The following KCTD1 variants were observed in gnomAD, a reference collection of about 807,000 sequenced individuals.
KCTD1 encodes potassium channel tetramerization domain containing 1.
A neutral mutation model predicts 66.0 loss-of-function variants in KCTD1; 24 were observed. The observed-to-expected ratio is 0.36, with a 90% CI of 0.26 to 0.51. The LOEUF (loss-of-function observed/expected upper bound fraction) is 0.51. Among genes scored for constraint, KCTD1 ranks in the 20% least tolerant of loss-of-function variants. The pLI is 0.95. For missense variants in KCTD1, 943 were observed against 1,205.2 expected (o/e 0.78, Z 3.22); for synonymous variants, 511 against 517.2 (o/e 0.99, Z 0.16).
chr18:26,486,575 C>T (rs994966884), intron 2 of KCTD1, among the ~76,000 whole-genome samples: 1 of 152,214 alleles, frequency 6.6e-6, no homozygotes, highest in African/African-American at 2.4e-5. Context: ...CTGGGGCCTT[C>T]CTGTGTGAAG....
At chr18:26,503,929 C>G (rs1381166501) in intron 1 of KCTD1, among the ~76,000 whole-genome samples, 1 of 152,198 alleles carries the variant, frequency 6.6e-6, no homozygotes, top group Non-Finnish European at 1.5e-5. Context: ...TCTTGGTTCT[C>G]CTAGGCGCTT....
chr18:26,476,799 T>C lies in KCTD1; in HGVS notation c.1989-140A>G. The C allele has an allele frequency of 1.5e-6, 1 of 686,382 alleles. No individual in the cohort carries two copies. The highest frequency in any genetic ancestry group is 1.8e-5 in the South Asian group (1 of 56,236). The allele number at this position is 686,382 out of a possible 1,614,324, so 42.5% of individuals were successfully genotyped here. A position where few individuals can be genotyped will look rare whatever the true frequency, so the allele number is the denominator to read the frequency against. Reference sequence around the variant, plus strand: ...AAAAATTACGATTGTCTGCAAAGTGTTGGTCCCCGCTTGATAAATATCTCA... The same window carrying C: ...AAAAATTACGATTGTCTGCAAAGTGCTGGTCCCCGCTTGATAAATATCTCA... On this transcript the variant is annotated intron_variant, in intron 2 of 4. Coordinates refer to ENST00000580059, the MANE Select transcript of KCTD1 (RefSeq NM_001142730.3). This position sits in a 1 kb window ranked among gnomAD's most constrained non-coding sequence, Gnocchi z 4.9.
chr18:26,552,263 C>T (rs1395661789), upstream of KCTD1, among the ~76,000 whole-genome samples: 2 of 152,174 alleles, frequency 1.3e-5, no homozygotes, highest in African/African-American at 2.4e-5. Flanking sequence ...TTATACTATA[C>T]AGAAACATAT....
At chr18:26,528,153 T>G (rs561169522) in intron 1 of KCTD1, among the ~76,000 whole-genome samples, 1 of 152,338 alleles carries the variant, frequency 6.6e-6, no homozygotes, top group East Asian at 1.9e-4. Flanking sequence ...CTTTCAGTAC[T>G]ATAGGCCCCT....
intron 1 of KCTD1, chr18:26,657,312 C>G: frequency 2.0e-6 from 2 of 985,116 alleles, no homozygotes; most frequent in Non-Finnish European, 2.4e-6. Context: ...AAGTCCCAGC[C>G]ATACCCTCCT....
chr18:26,557,310 A>G (rs1006553773), intron 1 of KCTD1, among the ~76,000 whole-genome samples: 1 of 152,158 alleles, frequency 6.6e-6, no homozygotes, highest in Non-Finnish European at 1.5e-5. Flanking sequence ...AATGCCCAGG[A>G]AAGTGTTTGC....
At chr18:26,549,343 A>G (rs944235409), upstream of KCTD1, 2 of 985,296 alleles carry the variant, frequency 2.0e-6, no homozygotes, top group African/African-American at 3.5e-5. Context: ...CGTCAGCCAC[A>G]TCCCTTTCGA....
chr18:26,462,756 C>A (rs1255101196), intron 3 of KCTD1, among the ~76,000 whole-genome samples: 1 of 152,206 alleles, frequency 6.6e-6, no homozygotes, highest in East Asian at 1.9e-4. Flanking sequence ...CTTTAGAAAC[C>A]TTTCCTTCCT....
intron 2 of KCTD1, among the ~76,000 whole-genome samples, chr18:26,496,318 A>T (rs529965139): frequency 6.6e-6 from 1 of 152,308 alleles, no homozygotes; most frequent in Non-Finnish European, 1.5e-5. Flanking sequence ...TTATCCATTT[A>T]TAATTCTTTT....
At chr18:26,514,430 C>T (rs1404903291) in intron 1 of KCTD1, among the ~76,000 whole-genome samples, 1 of 151,350 alleles carries the variant, frequency 6.6e-6, no homozygotes, top group African/African-American at 2.4e-5. Context: ...TCTCAGCCTA[C>T]AGTCTGTGAC....
At chr18:26,524,247 T>A (rs1984050509) in intron 1 of KCTD1, among the ~76,000 whole-genome samples, 1 of 152,140 alleles carries the variant, frequency 6.6e-6, no homozygotes, top group Admixed American at 6.5e-5. Flanking sequence ...CATCCACCCT[T>A]ACTTATGGGC....
intron 1 of KCTD1, chr18:26,575,316 A>C (rs951230852): frequency 6.6e-6 from 1 of 152,228 alleles, no homozygotes; most frequent in African/African-American, 2.4e-5. Context: ...ATACGCGTGC[A>C]GACTTGAAAA....
In KCTD1 at chr18:26,593,708, A is replaced by C. The variant is rs1316864719; in HGVS notation, c.-16+35439T>G. 2.2e-5 allele frequency among the ~76,000 whole-genome samples: 3 copies of C among 138,252 alleles called. No individual in the cohort carries two copies. The East Asian group carries it at 7.1e-4, about 33-fold the overall frequency. 90.7% of individuals were successfully genotyped at this position (138,252 alleles called of 152,430 possible). On this transcript the variant is annotated intron_variant, in intron 1 of 4. Coordinates refer to the KCTD1 transcript ENST00000317932. Reference sequence around the variant, plus strand: ...GAGGAGGAAGAAGATAAGCAGGAGGAGGAAGATAAGGAGGAGGAGAAAGAT... The same window carrying C: ...GAGGAGGAAGAAGATAAGCAGGAGGCGGAAGATAAGGAGGAGGAGAAAGAT...
At chr18:26,592,547 C>A (rs1438585) in intron 1 of KCTD1, among the ~76,000 whole-genome samples, 37,392 of 151,970 alleles carry the variant, frequency 0.25, 4,746 homozygotes, top group East Asian at 0.34. Flanking sequence ...TATTCAGCCC[C>A]GCCTAGTAAA....
At chr18:26,507,881 T>C (rs1037136575) in intron 1 of KCTD1, among the ~76,000 whole-genome samples, 3 of 151,910 alleles carry the variant, frequency 2.0e-5, no homozygotes, top group African/African-American at 4.8e-5. Context: ...GAAGAGGGAG[T>C]GACCAGCAAA....
In KCTD1 at chr18:26,476,346, A is replaced by C. The variant is rs1981345039; in HGVS notation, c.2133+169T>G. 6.6e-6 allele frequency among the ~76,000 whole-genome samples: 1 copy of C among 152,222 alleles called. No individual in the cohort carries two copies. Among genetic ancestry groups the C allele is most frequent in the Non-Finnish European group, 1.5e-5 (1 of 68,042 alleles). ...AAGCGATCCTCTTTAAGTCATGTAG[A>C]AGTTTAATGGCCATAACCACTATTT... is the stretch of plus-strand genomic sequence containing the variant. On this transcript the variant is annotated intron_variant, in intron 3 of 4. Transcript: ENST00000580059. This position sits in a 1 kb window ranked among gnomAD's most constrained non-coding sequence, Gnocchi z 4.9.
At chr18:26,515,553 G>T (rs901503499) in intron 1 of KCTD1, among the ~76,000 whole-genome samples, 5 of 147,640 alleles carry the variant, frequency 3.4e-5, no homozygotes, top group African/African-American at 5.1e-5. Flanking sequence ...TGTCACCAAG[G>T]CTGGAGTGCA....
At chr18:26,525,568 A>C (rs574243648) in intron 1 of KCTD1, among the ~76,000 whole-genome samples, 2 of 152,184 alleles carry the variant, frequency 1.3e-5, no homozygotes, top group Non-Finnish European at 1.5e-5. Flanking sequence ...ATGCTCTCCT[A>C]TGGTCAGCCT....
At chr18:26,541,983 C>T (rs1318989191) in intron 1 of KCTD1, among the ~76,000 whole-genome samples, 1 of 152,084 alleles carries the variant, frequency 6.6e-6, no homozygotes, top group East Asian at 1.9e-4. Context: ...ACCTGTTTCC[C>T]CTCTGATGAT....
Sources: gnomAD v4.1 joint callset for allele counts (sites outside exome capture counted in the v4.1 genomes callset) on GRCh38, gnomAD v4.1.1 for gene constraint, Gnocchi (gnomAD v3.1) non-coding constraint, MANE v1.5 for transcripts, NCBI Gene and HGNC (gene_info 2026-07-23, HGNC 2026-07-21) for gene names.